Variants in UBAC2 observed in about 807,000 individuals in gnomAD.
UBAC2 encodes the protein ubiquitin-associated domain-containing protein 2.
UBAC2 carries 26 observed loss-of-function variants against 44.0 expected under a neutral mutation model. The ratio of observed to expected loss-of-function variants is 0.59; its 90% confidence interval spans 0.43 to 0.82. The LOEUF is 0.82. Ranked by LOEUF, UBAC2 falls within the 40% of genes least tolerant of loss-of-function variation. UBAC2 has a pLI of 0.00. For synonymous variants in UBAC2, 155 were observed against 154.3 expected, an observed-to-expected ratio of 1.00 and a Z score of -0.04; for missense variants, 329 against 419.4, an observed-to-expected ratio of 0.78 and a Z score of 1.88.
At chr13:99,325,670 C>T (rs1229908573) in intron 6 of UBAC2, among the ~76,000 whole-genome samples, 2 of 152,138 alleles carry the variant, frequency 1.3e-5, no homozygotes, top group Non-Finnish European at 2.9e-5. Context: ...AAACTTTATG[C>T]CTGTTGATTT....
intron 7 of UBAC2, among the ~76,000 whole-genome samples, chr13:99,363,462 G>A (rs757066436): frequency 4.6e-5 from 7 of 152,216 alleles, no homozygotes; most frequent in Admixed American, 1.3e-4. Context: ...AAACTTAACC[G>A]AGGTAGTTTA....
intron 2 of UBAC2, among the ~76,000 whole-genome samples, chr13:99,243,317 A>G (rs1594039364): frequency 6.6e-6 from 1 of 150,742 alleles, no homozygotes; most frequent in East Asian, 1.9e-4. Context: ...ATTTAAATAA[A>G]CTAATATTTC....
chr13:99,204,377 C>G lies in UBAC2; in HGVS notation c.31+3438C>G, dbSNP rs895379313. On this transcript the variant is annotated intron_variant, in intron 1 of 8. Coordinates refer to ENST00000403766, the MANE Select transcript of UBAC2 (RefSeq NM_001144072.2). ...GAGAAGGCCTCTGGGAGGGACAGAGCCTGGACAGGGCTTGGCAGAGAGGCA... is the reference window on the plus strand; with the variant it reads ...GAGAAGGCCTCTGGGAGGGACAGAGGCTGGACAGGGCTTGGCAGAGAGGCA... 2.0e-5 allele frequency among the ~76,000 whole-genome samples: 3 copies of G among 152,154 alleles called. No individual in the cohort carries two copies. The South Asian group carries it at 6.2e-4, about 32-fold the overall frequency.
At chr13:99,255,941 C>A (rs766408007) in intron 4 of UBAC2, 4 of 1,408,734 alleles carry the variant, frequency 2.8e-6, no homozygotes, top group Non-Finnish European at 2.9e-6. Flanking sequence ...AGAATAAAAT[C>A]GTTGGTTAAA....
At chr13:99,313,536 G>C (rs375909658) in intron 4 of UBAC2, 4 of 152,280 alleles carry the variant, frequency 2.6e-5, no homozygotes, top group Non-Finnish European at 5.9e-5. Flanking sequence ...ATTGTATGAG[G>C]AGATGAGAGA....
At chr13:99,282,228 G>T (rs2043963565) in intron 4 of UBAC2, among the ~76,000 whole-genome samples, 1 of 151,866 alleles carries the variant, frequency 6.6e-6, no homozygotes, top group Admixed American at 6.6e-5. Context: ...TGACACTTGG[G>T]GGGCAAAATC....
At chr13:99,255,289 A>G in intron 4 of UBAC2, 1 of 1,614,184 alleles carries the variant, frequency 6.2e-7, no homozygotes, top group Non-Finnish European at 8.5e-7. Flanking sequence ...AATCAAGAAA[A>G]AAAATGTCAG....
In UBAC2 at chr13:99,295,851, T is replaced by A. The variant is rs201620105; in HGVS notation, c.390-18246T>A. 3.1e-6 allele frequency: 5 copies of A among 1,606,050 alleles called. No individual in the cohort carries two copies. The East Asian group carries it at 8.9e-5, about 29-fold the overall frequency. On this transcript the variant is annotated intron_variant, in intron 4 of 8. Transcript: ENST00000403766. This position sits in a 1 kb window ranked among gnomAD's most constrained non-coding sequence, Gnocchi z 4.1. The stretch of plus-strand genomic sequence containing the variant: ...GTTATCCTACACAAGGCATCTCCGA[T>A]TCTCCAGTCAAAGCCCATTGCATAG...
chr13:99,257,103 C>T (rs937048776), intron 4 of UBAC2, among the ~76,000 whole-genome samples: 2 of 152,166 alleles, frequency 1.3e-5, no homozygotes, highest in African/African-American at 4.8e-5. Flanking sequence ...CCCTTCCCTT[C>T]CCTTTCTTCC....
Position 99,294,111 on chromosome 13 carries a change from C to T in UBAC2, c.390-19986C>T, listed in dbSNP as rs1594096141. ...TAATTTTGTAAGTTTGCATTTTACT[C>T]GGATCGTATTTAGCAAGCAGCAGCT... On this transcript the variant is annotated intron_variant, in intron 4 of 8. Transcript: ENST00000403766. Among the ~76,000 whole-genome samples the T allele has an allele frequency of 2.0e-5, 3 of 152,192 alleles. No individual in the cohort carries two copies. In the South Asian group the frequency reaches 6.2e-4, roughly 32 times the overall value.
At chr13:99,333,099 G>GT (rs1013051983) in intron 6 of UBAC2, among the ~76,000 whole-genome samples, 2 of 152,002 alleles carry the variant, frequency 1.3e-5, no homozygotes, top group African/African-American at 2.4e-5. Flanking sequence ...CCGTCTCTGG[G>GT]GGGGGAAGAA....
intron 6 of UBAC2, among the ~76,000 whole-genome samples, chr13:99,326,896 G>T (rs1390813266): frequency 2.0e-5 from 3 of 152,298 alleles, no homozygotes; most frequent in African/African-American, 7.2e-5. Flanking sequence ...TGATTCTGGA[G>T]GGCAATCTTG....
At chr13:99,307,941 C>G (rs966220304) in intron 4 of UBAC2, 2 of 152,086 alleles carry the variant, frequency 1.3e-5, no homozygotes, top group African/African-American at 4.8e-5. Context: ...CTGGATTAGT[C>G]GCCGTTTTCA....
intron 7 of UBAC2, among the ~76,000 whole-genome samples, chr13:99,354,772 C>T (rs1046020332): frequency 1.6e-4 from 25 of 152,154 alleles, no homozygotes; most frequent in African/African-American, 6.0e-4. Flanking sequence ...GAAAGGGCTT[C>T]TTGTGCACAC....
chr13:99,232,162 G>T (rs183705654), intron 1 of UBAC2, among the ~76,000 whole-genome samples: 1 of 152,078 alleles, frequency 6.6e-6, no homozygotes, highest in East Asian at 1.9e-4. Flanking sequence ...GAGTGGGTTT[G>T]GGGGTATGGG....
chr13:99,242,018 G>A (rs373860989), intron 2 of UBAC2, among the ~76,000 whole-genome samples: 1 of 150,946 alleles, frequency 6.6e-6, no homozygotes. Flanking sequence ...ACCCTGAGTG[G>A]ACACAGCACA....
At chr13:99,221,163 A>G (rs2043048496) in intron 1 of UBAC2, among the ~76,000 whole-genome samples, 1 of 152,158 alleles carries the variant, frequency 6.6e-6, no homozygotes, top group Non-Finnish European at 1.5e-5. Context: ...CACTATTATA[A>G]ACAGTGCTGC....
intron 1 of UBAC2, among the ~76,000 whole-genome samples, chr13:99,202,890 TC>T: frequency 6.6e-6 from 1 of 152,318 alleles, no homozygotes; most frequent in Middle Eastern, 3.4e-3. Flanking sequence ...GGTCCTGGTC[TC>T]AGTGCTTACA....
chr13:99,306,512 C>A (rs2044338322), intron 4 of UBAC2, among the ~76,000 whole-genome samples: 2 of 151,854 alleles, frequency 1.3e-5, no homozygotes, highest in Non-Finnish European at 2.9e-5. Flanking sequence ...AAATACCACG[C>A]CCCCCTCCCC....
Sources: gnomAD v4.1 joint callset for allele counts (sites outside exome capture counted in the v4.1 genomes callset) on GRCh38, gnomAD v4.1.1 for gene constraint, Gnocchi (gnomAD v3.1) non-coding constraint, MANE v1.5 for transcripts, NCBI Gene and HGNC (gene_info 2026-07-23, HGNC 2026-07-21) for gene names.